BACH2: variants seen among roughly 807,000 people sequenced by gnomAD.
BACH2 encodes the protein transcription regulator protein BACH2.
BACH2 carries 5 observed loss-of-function variants against 61.8 expected under a neutral mutation model. That is an observed-to-expected ratio of 0.08 (90% confidence interval 0.04 to 0.17). The LOEUF is 0.17. Ranked by LOEUF, BACH2 falls within the 10% of genes least tolerant of loss-of-function variation. The pLI is 1.00. For missense variants in BACH2, 824 were observed against 1,091.1 expected, an observed-to-expected ratio of 0.76 and a Z score of 3.45; for synonymous variants, 446 against 440.1, an observed-to-expected ratio of 1.01 and a Z score of -0.17.
chr6:90,232,758 C>T (rs2127860862), intron 3 of BACH2, among the ~76,000 whole-genome samples: 1 of 152,300 alleles, frequency 6.6e-6, no homozygotes, highest in East Asian at 1.9e-4. Context: ...ATTCCCATGA[C>T]ACTTCTCTTT....
chr6:89,930,754 G>T lies in BACH2; in HGVS notation c.*1654C>A, dbSNP rs1439434052. The T allele has an allele frequency of 6.6e-6, 1 of 152,598 alleles. No homozygotes were observed. The highest frequency in any genetic ancestry group is 1.5e-5 in the Non-Finnish European group (1 of 68,040). The allele number at this position is 152,598 out of a possible 1,614,324, so 9.5% of individuals were successfully genotyped here. ...GTAGGGTATGTGTGTGATTCGGGAA[G>T]GGGACAGGGAGGGTTCCCGGTGATA... On this transcript the variant is annotated 3_prime_UTR_variant, in exon 9 of 9. Coordinates refer to ENST00000257749, the MANE Select transcript of BACH2 (RefSeq NM_021813.4).
At chr6:90,296,281 C>T (rs894439787) in intron 1 of BACH2, among the ~76,000 whole-genome samples, 199 bp downstream of exon 1, 7 of 151,756 alleles carry the variant, frequency 4.6e-5, no homozygotes, top group Non-Finnish European at 8.8e-5. Context: ...GCTCGGCTCC[C>T]ACCCCCTTCC....
chr6:90,034,392 CAG>C (rs971690483), intron 5 of BACH2, among the ~76,000 whole-genome samples: 1 of 152,136 alleles, frequency 6.6e-6, no homozygotes, highest in African/African-American at 2.4e-5. Flanking sequence ...GTAGTCTTCA[CAG>C]AGTGATCATT....
intron 4 of BACH2, among the ~76,000 whole-genome samples, chr6:90,201,305 G>A (rs1371452216): frequency 1.3e-5 from 2 of 152,166 alleles, no homozygotes; most frequent in Non-Finnish European, 2.9e-5. Context: ...TTCATTAACT[G>A]TGTATGACAG....
intron 3 of BACH2, among the ~76,000 whole-genome samples, chr6:90,228,206 T>C (rs928818893): frequency 5.9e-5 from 9 of 152,258 alleles, no homozygotes; most frequent in African/African-American, 1.2e-4. Context: ...TCTCTGAGGA[T>C]AAAGTCTGAG....
chr6:90,060,788 C>G (rs1048306360), intron 5 of BACH2, among the ~76,000 whole-genome samples: 2 of 152,076 alleles, frequency 1.3e-5, no homozygotes, highest in African/African-American at 4.8e-5. Flanking sequence ...AGTGGTACTA[C>G]CAACCTGGGC....
intron 5 of BACH2, among the ~76,000 whole-genome samples, chr6:90,070,606 G>A (rs1781181111): frequency 6.6e-6 from 1 of 152,160 alleles, no homozygotes; most frequent in Admixed American, 6.6e-5. Flanking sequence ...ACACAGTGCA[G>A]CAGTCTTGTC....
At chr6:90,013,136 G>C (rs1777814888) in intron 5 of BACH2, among the ~76,000 whole-genome samples, 1 of 152,048 alleles carries the variant, frequency 6.6e-6, no homozygotes, top group Non-Finnish European at 1.5e-5. Context: ...TGGAAACCTT[G>C]CTTATTAGTT....
intron 3 of BACH2, among the ~76,000 whole-genome samples, chr6:90,247,187 G>A (rs1770663369): frequency 6.6e-6 from 1 of 151,644 alleles, no homozygotes; most frequent in African/African-American, 2.4e-5. Context: ...GGAGAGGACT[G>A]TTGTAGTACA....
At position 90,209,133 on chromosome 6, in the gene BACH2, C is replaced by T. The variant is rs149588791; in HGVS notation, c.-274-2452G>A. On this transcript the variant is annotated intron_variant, in intron 3 of 8. Transcript: ENST00000257749. ...TGAGTTGATGGGTGCAGCAAACCAA[C>T]GTGGCACATGTATACCTATGTAATA... Among the ~76,000 whole-genome samples, 342 of 152,126 alleles carry T rather than the reference C, an allele frequency of 2.2e-3. 6 individuals are homozygous for T. In the East Asian group the frequency reaches 0.034, roughly 15 times the overall value.
chr6:89,945,752 C>T (rs767351618), intron 7 of BACH2, among the ~76,000 whole-genome samples: 53 of 150,656 alleles, frequency 3.5e-4, no homozygotes, highest in Admixed American at 1.4e-3. Context: ...GATAGACATA[C>T]ATAAAATTCA....
chr6:90,264,870 C>T (rs1771274790), intron 2 of BACH2, among the ~76,000 whole-genome samples: 1 of 152,172 alleles, frequency 6.6e-6, no homozygotes, highest in Non-Finnish European at 1.5e-5. Flanking sequence ...TTCAAAGCAC[C>T]CTCATGGAAT....
chr6:89,961,282 A>G (rs555235627), intron 6 of BACH2, among the ~76,000 whole-genome samples: 2 of 152,004 alleles, frequency 1.3e-5, no homozygotes, highest in Non-Finnish European at 1.5e-5. Context: ...AGGTCTTAAA[A>G]TAGATATGAA....
chr6:90,231,434 A>C (rs866235785), intron 3 of BACH2, among the ~76,000 whole-genome samples: 3 of 152,288 alleles, frequency 2.0e-5, no homozygotes, highest in Admixed American at 6.5e-5. Flanking sequence ...CAAACTGCAA[A>C]TTCAAATGCC....
intron 4 of BACH2, among the ~76,000 whole-genome samples, chr6:90,164,740 G>T (rs1173043314): frequency 6.6e-6 from 1 of 152,168 alleles, no homozygotes; most frequent in Non-Finnish European, 1.5e-5. Flanking sequence ...TCATCCCTGG[G>T]ATGCAAGGCT....
chr6:89,981,688 T>C (rs1451458086), intron 6 of BACH2, among the ~76,000 whole-genome samples: 1 of 152,142 alleles, frequency 6.6e-6, no homozygotes, highest in Non-Finnish European at 1.5e-5. Context: ...ATAATTCTAG[T>C]GGTAACATTA....
intron 6 of BACH2, among the ~76,000 whole-genome samples, chr6:89,993,309 T>C (rs1776676566): frequency 6.6e-6 from 1 of 152,120 alleles, no homozygotes; most frequent in Non-Finnish European, 1.5e-5. Flanking sequence ...CTTAACTTAA[T>C]AAAACTTAAA....
At chr6:89,938,495 G>A in intron 7 of BACH2, 145 bp from the exon 8 acceptor site, 2 of 664,148 alleles carry the variant, frequency 3.0e-6, no homozygotes, top group African/African-American at 1.8e-5. Flanking sequence ...CTTATTTCCT[G>A]TTTAAAGACA....
intron 3 of BACH2, among the ~76,000 whole-genome samples, chr6:90,243,129 G>C (rs925211208): frequency 6.8e-6 from 1 of 147,308 alleles, no homozygotes; most frequent in Non-Finnish European, 1.5e-5. Context: ...CCCAACTTCA[G>C]GTGCTCCGCC....
Sources: gnomAD v4.1 joint callset for allele counts (sites outside exome capture counted in the v4.1 genomes callset) on GRCh38, gnomAD v4.1.1 for gene constraint, MANE v1.5 for transcripts, NCBI Gene and HGNC (gene_info 2026-07-23, HGNC 2026-07-21) for gene names.